Variants in AATF observed in about 807,000 individuals in gnomAD.
The protein encoded by AATF is apoptosis antagonizing transcription factor, also known as protein AATF.
In AATF, 48 loss-of-function variants were observed where a neutral mutation model predicts 63.7. That is an observed-to-expected ratio of 0.75 (90% CI 0.60 to 0.96). The LOEUF (loss-of-function observed/expected upper bound fraction) is 0.96. AATF is among the 40% of genes least tolerant of loss of function. The probability of loss-of-function intolerance (pLI) is 0.00; values close to 1 mark genes in which losing one functional copy is unlikely to be tolerated. For synonymous variants in AATF, 258 were observed against 247.7 expected, an observed-to-expected ratio of 1.04 and a Z score of -0.39; for missense variants, 639 against 685.7, an observed-to-expected ratio of 0.93 and a Z score of 0.76.
rs373521950 is a variant in AATF at position 36,989,266 on chromosome 17, G to A, written c.1169G>A (p.Arg390His). The change falls in exon 7 of 12, where the codon CGC becomes CAC. Residue 390 changes from arginine (R) to histidine (H), a missense_variant. Transcript: ENST00000619387. ...KLGKGFGAFE[R>H]SILTQIDHIL... ...TTGCAGGGTTTTGGTGCCTTTGAAC[G>A]CTCAATCTTGACTCAGATCGACCAT... 23 of 1,611,626 alleles carry A rather than the reference G, an allele frequency of 1.4e-5. No homozygotes were observed. Among genetic ancestry groups the A allele is most frequent in the East Asian group, 1.1e-4 (5 of 44,828 alleles).
At chr17:37,028,989 C>T (rs559295367) in intron 10 of AATF, among the ~76,000 whole-genome samples, 12 of 152,114 alleles carry the variant, frequency 7.9e-5, no homozygotes, top group African/African-American at 1.7e-4. Context: ...GTGAAACAAA[C>T]GTAACAACAA....
At chr17:36,989,083 T>A (rs867801197) in intron 6 of AATF, among the ~76,000 whole-genome samples, 164 bp from the exon 7 acceptor site, 28 of 151,956 alleles carry the variant, frequency 1.8e-4, no homozygotes, top group Middle Eastern at 3.4e-3. Flanking sequence ...TTTTTTTTTT[T>A]AAGAACAATT....
At chr17:36,983,834 T>C (rs976922312) in intron 4 of AATF, among the ~76,000 whole-genome samples, 15 of 152,196 alleles carry the variant, frequency 9.9e-5, no homozygotes, top group Non-Finnish European at 1.9e-4. Flanking sequence ...ACAAGGAAGT[T>C]GTATTTATAT....
At chr17:36,987,153 A>ATT (rs11286976) in intron 5 of AATF, among the ~76,000 whole-genome samples, 25 of 121,352 alleles carry the variant, frequency 2.1e-4, no homozygotes, top group African/African-American at 5.8e-4. Context: ...ATGCCTGGCT[A>ATT]TTTTTTTTTT....
chr17:37,039,378 G>A (rs1394222163), intron 11 of AATF, among the ~76,000 whole-genome samples: 1 of 152,214 alleles, frequency 6.6e-6, no homozygotes, highest in Admixed American at 6.5e-5. Flanking sequence ...AAGAACAAGA[G>A]TGATGTTTTA....
At chr17:36,969,165 A>G (rs1024357760) in intron 4 of AATF, among the ~76,000 whole-genome samples, 10 of 152,210 alleles carry the variant, frequency 6.6e-5, no homozygotes, top group East Asian at 3.9e-4. Context: ...AAAGCAATCT[A>G]TCTGCACCAT....
chr17:37,015,606 A>C (rs75945776), intron 8 of AATF, among the ~76,000 whole-genome samples: 5,468 of 152,292 alleles, frequency 0.036, 311 homozygotes, highest in African/African-American at 0.12. Flanking sequence ...CATTCCTTCC[A>C]ATACTGTTGC....
chr17:37,041,724 C>T lies in AATF; in HGVS notation c.1619+10039C>T, dbSNP rs938281026. Among the ~76,000 whole-genome samples the T allele has an allele frequency of 5.3e-5, 8 of 152,196 alleles. 1 individual carries two copies. In the South Asian group the frequency reaches 6.2e-4, roughly 12 times the overall value. On this transcript the variant is annotated intron_variant, in intron 11 of 11. Coordinates refer to ENST00000619387, the MANE Select transcript of AATF (RefSeq NM_012138.4). ...ATTGCCATGTTGGCCAGGCTGGTCG[C>T]GAACTCCTGACCTCAGGTGATCCAC...
At chr17:37,045,584 A>G (rs73286043) in intron 11 of AATF, 1 of 152,206 alleles carries the variant, frequency 6.6e-6, no homozygotes, top group Non-Finnish European at 1.5e-5. Flanking sequence ...CCTCCCCTAT[A>G]AGAAAGAAGA....
chr17:37,024,480 T>C (rs1597729997), intron 10 of AATF, among the ~76,000 whole-genome samples: 1 of 152,180 alleles, frequency 6.6e-6, no homozygotes, highest in East Asian at 1.9e-4. Flanking sequence ...TTGAGTTGTT[T>C]CACTGGCCAA....
chr17:37,021,007 A>C lies in AATF; in HGVS notation c.1540A>C (p.Lys514Gln). The change falls in exon 10 of 12, where the codon AAA becomes CAA. Residue 514 changes from lysine (K) to glutamine (Q), a missense_variant. Physicochemically the swap from Lys to Gln is moderately conservative, Grantham distance 53. Coordinates refer to ENST00000619387, the MANE Select transcript of AATF (RefSeq NM_012138.4). ...KVDRKASKGR[K>Q]LRFHVLSKLL... ...AGATAGGAAAGCCAGCAAAGGCAGG[A>C]AACTTCGGTGAGTTACTTTTCGGAA... 6.2e-7 allele frequency: 1 copy of C among 1,610,720 alleles called. No homozygotes were observed. Among genetic ancestry groups the C allele is most frequent in the Non-Finnish European group, 8.5e-7 (1 of 1,178,282 alleles).
intron 4 of AATF, among the ~76,000 whole-genome samples, chr17:36,978,164 A>G (rs1267359873): frequency 1.4e-4 from 22 of 151,936 alleles, no homozygotes; most frequent in Non-Finnish European, 1.9e-4. Flanking sequence ...GTTTCTTTCT[A>G]TGAGGAGACT....
At chr17:37,004,480 T>C (rs1457780885) in intron 8 of AATF, among the ~76,000 whole-genome samples, 1 of 152,062 alleles carries the variant, frequency 6.6e-6, no homozygotes, top group Non-Finnish European at 1.5e-5. Flanking sequence ...TGTATGTTGA[T>C]GGAAATGATC....
intron 11 of AATF, among the ~76,000 whole-genome samples, chr17:37,042,046 AT>A (rs1389939701): frequency 6.6e-6 from 1 of 151,150 alleles, no homozygotes; most frequent in Non-Finnish European, 1.5e-5. Context: ...TTCTTTATGA[AT>A]TTTCTTCCTG....
At chr17:37,040,625 A>G (rs980542694) in intron 11 of AATF, among the ~76,000 whole-genome samples, 2 of 152,192 alleles carry the variant, frequency 1.3e-5, no homozygotes, top group African/African-American at 2.4e-5. Flanking sequence ...TGTTGCCAAG[A>G]AATTCACAAA....
rs555504579 is a variant in AATF at position 36,956,487 on chromosome 17, A to G, written c.832+2580A>G. ...CAGAAGTTTGAGCCCAGCCTGGCCA[A>G]TGTGGTGAAACCCCGTCTCTACTGA... On this transcript the variant is annotated intron_variant, in intron 4 of 11. Transcript: ENST00000619387. 1.3e-3 allele frequency among the ~76,000 whole-genome samples: 205 copies of G among 152,170 alleles called. 1 individual carries two copies. Among genetic ancestry groups the G allele is most frequent in the African/African-American group, 4.8e-3 (200 of 41,496 alleles).
chr17:36,963,404 G>T (rs1466322305), intron 4 of AATF, among the ~76,000 whole-genome samples: 5 of 152,122 alleles, frequency 3.3e-5, no homozygotes, highest in Non-Finnish European at 5.9e-5. Flanking sequence ...AATGTTAGAG[G>T]GGAAAGACTG....
intron 10 of AATF, among the ~76,000 whole-genome samples, chr17:37,024,039 T>C (rs898199293): frequency 2.0e-5 from 3 of 152,022 alleles, no homozygotes; most frequent in African/African-American, 7.2e-5. Flanking sequence ...AGAAAAAAAA[T>C]TGGGACATAT....
At chr17:36,953,552 C>A (rs971448365) in intron 3 of AATF, among the ~76,000 whole-genome samples, 1 of 152,122 alleles carries the variant, frequency 6.6e-6, no homozygotes, top group Non-Finnish European at 1.5e-5. Flanking sequence ...TTTCTCCTCT[C>A]CTTGGGTTTT....
Sources: gnomAD v4.1 joint callset for allele counts (sites outside exome capture counted in the v4.1 genomes callset) on GRCh38, gnomAD v4.1.1 for gene constraint, MANE v1.5 for transcripts, NCBI Gene and HGNC (gene_info 2026-07-23, HGNC 2026-07-21) for gene names.